FBXL7: variants seen among roughly 807,000 people sequenced by gnomAD.
FBXL7 encodes the protein F-box/LRR-repeat protein 7.
In FBXL7, 12 loss-of-function variants were observed where a neutral mutation model predicts 38.3. The ratio of observed to expected loss-of-function variants is 0.31; its 90% CI spans 0.20 to 0.51. FBXL7 has a LOEUF of 0.51. Among genes scored for constraint, FBXL7 ranks in the 20% least tolerant of loss-of-function variants. The probability of loss-of-function intolerance (pLI) is 0.98; values close to 1 mark genes in which losing one functional copy is unlikely to be tolerated. For synonymous variants in FBXL7, 297 were observed against 300.9 expected, an observed-to-expected ratio of 0.99 and a Z score of 0.13; for missense variants, 567 against 676.4, an observed-to-expected ratio of 0.84 and a Z score of 1.79.
At chr5:15,785,558 G>A (rs1243191236) in intron 2 of FBXL7, among the ~76,000 whole-genome samples, 1 of 152,194 alleles carries the variant, frequency 6.6e-6, no homozygotes, top group Non-Finnish European at 1.5e-5. Flanking sequence ...AAGCATGTAA[G>A]CCAATCACCT....
intron 1 of FBXL7, among the ~76,000 whole-genome samples, chr5:15,562,496 A>G (rs1317794615): frequency 2.6e-5 from 4 of 152,208 alleles, no homozygotes; most frequent in African/African-American, 9.6e-5. Flanking sequence ...GCCAACAGGT[A>G]TATGAAAAGG....
chr5:15,861,150 A>G (rs1405127301), intron 2 of FBXL7, among the ~76,000 whole-genome samples: 2 of 152,216 alleles, frequency 1.3e-5, no homozygotes, highest in Non-Finnish European at 2.9e-5. Context: ...CCATGGCAGT[A>G]CTGATACCTA....
intron 1 of FBXL7, among the ~76,000 whole-genome samples, chr5:15,505,575 A>C (rs893622496): frequency 9.9e-5 from 15 of 152,206 alleles, no homozygotes; most frequent in Admixed American, 3.9e-4. Context: ...GTGAACACCC[A>C]CACACAGTAA....
intron 2 of FBXL7, among the ~76,000 whole-genome samples, chr5:15,853,325 C>A (rs1388327082): frequency 6.6e-6 from 1 of 152,046 alleles, no homozygotes; most frequent in African/African-American, 2.4e-5. Flanking sequence ...GGCTGTGCTT[C>A]TGTATTTTCA....
At chr5:15,751,284 A>G (rs185644572) in intron 2 of FBXL7, among the ~76,000 whole-genome samples, 100 of 152,262 alleles carry the variant, frequency 6.6e-4, no homozygotes, top group African/African-American at 2.1e-3. Flanking sequence ...ATCAGTGGTC[A>G]GATGGTAACT....
chr5:15,887,589 C>G (rs938103409), intron 2 of FBXL7, among the ~76,000 whole-genome samples: 7 of 152,196 alleles, frequency 4.6e-5, no homozygotes, highest in Admixed American at 6.5e-5. Flanking sequence ...AATATTGGCC[C>G]TCTGCGCTTC....
At chr5:15,673,185 G>A (rs1419309371) in intron 2 of FBXL7, among the ~76,000 whole-genome samples, 3 of 151,946 alleles carry the variant, frequency 2.0e-5, no homozygotes, top group Non-Finnish European at 2.9e-5. Flanking sequence ...GCCTGGTGGC[G>A]GGCACCTGTA....
chr5:15,765,319 C>G (rs36056396), intron 2 of FBXL7, among the ~76,000 whole-genome samples: 18,235 of 151,960 alleles, frequency 0.12, 1,151 homozygotes, highest in South Asian at 0.16. Flanking sequence ...TTATGCACTC[C>G]CGAGGCCATA....
At chr5:15,872,684 A>C (rs1269639918) in intron 2 of FBXL7, among the ~76,000 whole-genome samples, 2 of 152,218 alleles carry the variant, frequency 1.3e-5, no homozygotes, top group African/African-American at 4.8e-5. Context: ...AAAAAGACAG[A>C]AGGACATTAC....
intron 1 of FBXL7, among the ~76,000 whole-genome samples, chr5:15,529,315 C>G (rs1737350390): frequency 6.6e-6 from 1 of 152,088 alleles, no homozygotes; most frequent in Admixed American, 6.5e-5. Flanking sequence ...ACTCGTCCAT[C>G]CAATGATAGA....
intron 2 of FBXL7, among the ~76,000 whole-genome samples, chr5:15,653,083 T>C (rs146877999): frequency 6.6e-6 from 1 of 152,216 alleles, no homozygotes; most frequent in African/African-American, 2.4e-5. Context: ...CGCCATCTTA[T>C]GTAAGTACAG....
At chr5:15,589,833 T>A (rs956313853) in intron 1 of FBXL7, among the ~76,000 whole-genome samples, 2 of 152,078 alleles carry the variant, frequency 1.3e-5, no homozygotes, top group East Asian at 3.9e-4. Context: ...TCATCAGAGG[T>A]GATGATGCAC....
chr5:15,524,477 T>C (rs1737195057), intron 1 of FBXL7, among the ~76,000 whole-genome samples: 1 of 152,356 alleles, frequency 6.6e-6, no homozygotes, highest in South Asian at 2.1e-4. Flanking sequence ...TGAATCAAAA[T>C]GGTAACTGTC....
At chr5:15,809,236 G>GT (rs2126750745) in intron 2 of FBXL7, among the ~76,000 whole-genome samples, 1 of 152,294 alleles carries the variant, frequency 6.6e-6, no homozygotes, top group African/African-American at 2.4e-5. Flanking sequence ...TTATTTGAAC[G>GT]TTGAACTTTG....
chr5:15,700,837 C>G (rs1743497654), intron 2 of FBXL7, among the ~76,000 whole-genome samples: 1 of 152,056 alleles, frequency 6.6e-6, no homozygotes, highest in South Asian at 2.1e-4. Context: ...TGTTACTGAT[C>G]TGCATTTAGT....
intron 2 of FBXL7, among the ~76,000 whole-genome samples, chr5:15,660,585 T>C (rs1405317351): frequency 6.6e-6 from 1 of 152,182 alleles, no homozygotes; most frequent in African/African-American, 2.4e-5. Context: ...CTCAAACTCC[T>C]GACCTCAAGT....
At chr5:15,551,212 T>C (rs764846956) in intron 1 of FBXL7, among the ~76,000 whole-genome samples, 10 of 152,192 alleles carry the variant, frequency 6.6e-5, no homozygotes, top group African/African-American at 9.6e-5. Flanking sequence ...TTTGTGCCCA[T>C]GGGTTTGTGT....
intron 1 of FBXL7, among the ~76,000 whole-genome samples, chr5:15,610,117 A>T (rs1040471642): frequency 6.6e-6 from 1 of 152,282 alleles, no homozygotes; most frequent in South Asian, 2.1e-4. Flanking sequence ...TATGGGGGAA[A>T]CCACCCCCAT....
chr5:15,573,023 T>C (rs1455565974), intron 1 of FBXL7, among the ~76,000 whole-genome samples: 1 of 152,208 alleles, frequency 6.6e-6, no homozygotes, highest in East Asian at 1.9e-4. Flanking sequence ...AGAGAAGCCC[T>C]GCCAGATCCC....
Sources: allele counts gnomAD v4.1 joint callset (sites outside exome capture counted in the v4.1 genomes callset), GRCh38; gene constraint gnomAD v4.1.1; transcripts MANE v1.5; gene names NCBI Gene and HGNC (gene_info 2026-07-23, HGNC 2026-07-21).